WNK2: variants seen among roughly 807,000 people sequenced by gnomAD.
WNK2 encodes serine/threonine-protein kinase WNK2.
WNK2 carries 67 observed loss-of-function variants against 192.1 expected under a neutral mutation model. The ratio of observed to expected loss-of-function variants is 0.35; its 90% CI spans 0.29 to 0.43. The LOEUF (loss-of-function observed/expected upper bound fraction) is 0.43. Among genes scored for constraint, WNK2 ranks in the 20% least tolerant of loss-of-function variants. WNK2 has a pLI of 1.00. For missense variants in WNK2, 2,698 were observed against 3,089.7 expected, an observed-to-expected ratio of 0.87 and a Z score of 3.01; for synonymous variants, 1,439 against 1,393.9, an observed-to-expected ratio of 1.03 and a Z score of -0.72.
intron 19 of WNK2, among the ~76,000 whole-genome samples, chr9:93,277,782 CA>C (rs2133486909): frequency 6.6e-6 from 1 of 152,142 alleles, no homozygotes; most frequent in South Asian, 2.1e-4. Flanking sequence ...ACATGTGTGT[CA>C]AAACTCATGG....
chr9:93,216,809 C>G (rs1835819029), intron 2 of WNK2, among the ~76,000 whole-genome samples: 2 of 11,422 alleles, frequency 1.8e-4, no homozygotes, highest in Admixed American at 1.7e-3. Flanking sequence ...GACTCGGTCT[C>G]AAAACAACAA....
At chr9:93,318,815 A>T in intron 29 of WNK2, 1 of 1,406,970 alleles carries the variant, frequency 7.1e-7, no homozygotes. Flanking sequence ...CAGTGGGCAC[A>T]ACACAGCCCT....
chr9:93,256,354 A>T lies in WNK2; in HGVS notation c.2090A>T (p.Gln697Leu), dbSNP rs1843285919. The change falls in exon 10 of 30, where the codon CAG becomes CTG. Residue 697 changes from glutamine to leucine, a missense_variant. Physicochemically the swap from Gln to Leu is moderately radical, Grantham distance 113. Coordinates refer to ENST00000427277, the MANE Select transcript of WNK2 (RefSeq NM_006648.4). Reference protein sequence around the residue: ...PAPACPPSLQQHFPDPAMSFA... With the variant: ...PAPACPPSLQLHFPDPAMSFA... ...CCCGCCTGCCCTCCGTCCCTCCAGC[A>T]GCACTTCCCGGATCCGGCCATGAGC... 4 of 1,584,362 alleles carry T rather than the reference A, an allele frequency of 2.5e-6. No individual in the cohort carries two copies. In the East Asian group the frequency reaches 9.1e-5, roughly 36 times the overall value.
chr9:93,210,245 G>A (rs1255464018), intron 2 of WNK2, among the ~76,000 whole-genome samples: 3 of 151,928 alleles, frequency 2.0e-5, no homozygotes, highest in African/African-American at 4.8e-5. Flanking sequence ...GGAGGACAGT[G>A]GGGTGTCGAG....
rs1311040114 is a variant in WNK2 at position 93,259,234 on chromosome 9, G to A, written c.2686G>A (p.Ala896Thr). Residue 896 changes from alanine to threonine, a missense_variant, in exon 12 of 30, where the codon GCC becomes ACC. Ala to Thr is a moderately conservative substitution (Grantham distance 58). Coordinates refer to ENST00000427277, the MANE Select transcript of WNK2 (RefSeq NM_006648.4). The surrounding 1 kb of genome is among the most constrained non-coding windows in gnomAD (Gnocchi z 4.8). ...GGCCGTAGCCCCACCGGGCGTGGCT[G>A]CCCTGTCCATTCATTCTGCCGTGGC... ...LLAVAPPGVAALSIHSAVAQL... is the reference protein window; with the variant it reads ...LLAVAPPGVATLSIHSAVAQL... 6.2e-7 allele frequency: 1 copy of A among 1,613,234 alleles called. No homozygotes were observed. Among genetic ancestry groups the A allele is most frequent in the Non-Finnish European group, 8.5e-7 (1 of 1,179,770 alleles).
At chr9:93,215,553 G>A (rs138647639) in intron 2 of WNK2, among the ~76,000 whole-genome samples, 57 of 152,036 alleles carry the variant, frequency 3.7e-4, no homozygotes, top group East Asian at 2.1e-3. Flanking sequence ...GTTTCAGTTC[G>A]TTTATTTTCT....
chr9:93,243,889 A>G (rs1841215135), intron 7 of WNK2, among the ~76,000 whole-genome samples: 1 of 152,236 alleles, frequency 6.6e-6, no homozygotes, highest in Admixed American at 6.5e-5. Flanking sequence ...GCATCTGCTG[A>G]GGCTAGAGAG....
chr9:93,184,873 G>GGGCAGGTGC, intron 1 of WNK2, 55 bp from the exon 2 acceptor site: 3 of 1,209,650 alleles, frequency 2.5e-6, no homozygotes, highest in Non-Finnish European at 3.1e-6. Flanking sequence ...CCGGCGGCCT[G>GGGCAGGTGC]GGCAGGTGCG....
chr9:93,268,737 G>A lies in WNK2; in HGVS notation c.4024G>A (p.Ala1342Thr), dbSNP rs766720613. 5.6e-6 allele frequency: 9 copies of A among 1,612,544 alleles called. No individual in the cohort carries two copies. Among genetic ancestry groups the A allele is most frequent in the South Asian group, 1.1e-5 (1 of 90,772 alleles). Residue 1342 changes from alanine to threonine, a missense_variant, in exon 19 of 30, where the codon GCC (alanine) becomes ACC (threonine). Ala to Thr is a moderately conservative substitution (Grantham distance 58). Transcript: ENST00000427277. ...TCCTCTAAGCTCCCTGCCGCCAGAA[G>A]CCAGCCAAGGTATGAGCAGCAGGCG... ...PLPLSSLPPE[A>T]SQDSAPYKDQ...
At chr9:93,278,696 A>G (rs1847295918) in intron 19 of WNK2, among the ~76,000 whole-genome samples, 1 of 152,170 alleles carries the variant, frequency 6.6e-6, no homozygotes. Context: ...CTGGCATCCA[A>G]TCCAAATTAT....
intron 19 of WNK2, 104 bp downstream of exon 19, chr9:93,268,850 G>A: frequency 6.3e-7 from 1 of 1,575,456 alleles, no homozygotes; most frequent in Non-Finnish European, 8.6e-7. Context: ...GTCCATGCAG[G>A]GGGCTCACCC....
At chr9:93,251,848 TA>T (rs1309892316) in intron 8 of WNK2, among the ~76,000 whole-genome samples, 1 of 152,194 alleles carries the variant, frequency 6.6e-6, no homozygotes, top group Non-Finnish European at 1.5e-5. Flanking sequence ...CTCGGCTCAT[TA>T]AAAATCAGAG....
At chr9:93,189,000 T>A (rs536410794) in intron 2 of WNK2, among the ~76,000 whole-genome samples, 1 of 152,298 alleles carries the variant, frequency 6.6e-6, no homozygotes, top group African/African-American at 2.4e-5. Context: ...ACCAACACTG[T>A]TCCATGTGGC....
chr9:93,277,969 A>G (rs967793522), intron 19 of WNK2, among the ~76,000 whole-genome samples: 1 of 152,248 alleles, frequency 6.6e-6, no homozygotes, highest in African/African-American at 2.4e-5. Flanking sequence ...CTTCTGCTTT[A>G]GGCCAAGATG....
chr9:93,213,024 G>C (rs1835072151), intron 2 of WNK2, among the ~76,000 whole-genome samples: 2 of 151,066 alleles, frequency 1.3e-5, no homozygotes. Flanking sequence ...AAGGAGGAGA[G>C]ATGGCTTTTC....
chr9:93,300,005 C>T (rs1430400422), intron 25 of WNK2, 46 bp from the exon 26 acceptor site: 1 of 1,543,048 alleles, frequency 6.5e-7, no homozygotes. Context: ...GCAACCTGTA[C>T]TTGATGAGTG....
At chr9:93,192,926 G>T (rs2131027162) in intron 2 of WNK2, among the ~76,000 whole-genome samples, 1 of 152,306 alleles carries the variant, frequency 6.6e-6, no homozygotes. Flanking sequence ...TCTTGTAGGT[G>T]TCTCTCAGGG....
chr9:93,313,805 C>A (rs1003733667), intron 28 of WNK2, among the ~76,000 whole-genome samples: 2 of 151,950 alleles, frequency 1.3e-5, no homozygotes, highest in Non-Finnish European at 2.9e-5. Flanking sequence ...TCCAAAAGTT[C>A]ACAGAAAAAT....
At chr9:93,195,132 A>G (rs1039079591) in intron 2 of WNK2, among the ~76,000 whole-genome samples, 4 of 152,184 alleles carry the variant, frequency 2.6e-5, no homozygotes, top group African/African-American at 9.7e-5. Flanking sequence ...ACTGGTGAAT[A>G]CATGTCATTA....
Sources: gnomAD v4.1 joint callset for allele counts (sites outside exome capture counted in the v4.1 genomes callset) on GRCh38, gnomAD v4.1.1 for gene constraint, Gnocchi (gnomAD v3.1) non-coding constraint, MANE v1.5 for transcripts, NCBI Gene and HGNC (gene_info 2026-07-23, HGNC 2026-07-21) for gene names.